HEMK1: variants seen among roughly 807,000 people sequenced by gnomAD.
HEMK1 encodes the protein HemK methyltransferase 1, mitochondrial release factors N(5)-glutamine, also known as MTRF1L release factor glutamine methyltransferase.
Under a neutral mutation model 47.9 loss-of-function variants are expected in HEMK1, and 36 were observed. The ratio of observed to expected loss-of-function variants is 0.75; its 90% CI spans 0.58 to 0.99. The LOEUF (loss-of-function observed/expected upper bound fraction) is 0.99, where lower values mean the gene tolerates loss of function less well. Among genes scored for constraint, HEMK1 ranks in the 50% least tolerant of loss-of-function variants. The pLI, the probability that HEMK1 is intolerant of heterozygous loss-of-function variation, is 0.00. For synonymous variants in HEMK1, 153 were observed against 165.4 expected (o/e 0.93, Z 0.57); for missense variants, 383 against 434.5 (o/e 0.88, Z 1.05).
At chr3:50,577,898 T>C (rs1231159383) in intron 7 of HEMK1, 23 bp downstream of exon 7, 6 of 1,610,864 alleles carry the variant, frequency 3.7e-6, no homozygotes, top group Non-Finnish European at 5.1e-6. Flanking sequence ...GCATGTTCCT[T>C]GAGAGAGGGA....
At position 50,583,323 on chromosome 3, in the gene HEMK1, T is replaced by C. The variant is rs1252893759; in HGVS notation, c.*2906T>C. On this transcript the variant is annotated 3_prime_UTR_variant, in exon 11 of 11. Coordinates refer to ENST00000232854, the MANE Select transcript of HEMK1 (RefSeq NM_016173.5). ...CAAAAAATACTCTTTTTTGCTCCTT[T>C]ACCCCCACCTGGACCCTGGGCTATT... 6.6e-6 allele frequency: 1 copy of C among 152,234 alleles called. No individual in the cohort carries two copies. The allele number at this position is 152,234 out of a possible 1,614,324, so 9.4% of individuals were successfully genotyped here.
rs1467727720 is a variant in HEMK1 at position 50,581,704 on chromosome 3, G to C, written c.*1287G>C. 6.6e-6 allele frequency: 1 copy of C among 152,280 alleles called. No individual in the cohort carries two copies. The highest frequency in any genetic ancestry group is 2.4e-5 in the African/African-American group (1 of 41,458). The allele number at this position is 152,280 out of a possible 1,614,324, so 9.4% of individuals were successfully genotyped here. On this transcript the variant is annotated 3_prime_UTR_variant, in exon 11 of 11. Transcript: ENST00000232854. ...GTACTGCCTGAGGTCACATGACAGT[G>C]ACCAAGTGGAGACAGTAAGTTAGAT... is the stretch of plus-strand genomic sequence containing the variant.
intron 1 of HEMK1, chr3:50,569,922 C>T (rs1344129777): frequency 6.6e-6 from 1 of 152,132 alleles, no homozygotes; most frequent in Non-Finnish European, 1.5e-5. Flanking sequence ...GCAACTTCCG[C>T]CTGCTTGAAC....
Position 50,590,158 on chromosome 3 carries a change from C to G in HEMK1, c.*9741C>G, listed in dbSNP as rs931800940. 6.6e-6 allele frequency: 1 copy of G among 150,586 alleles called. No homozygotes were observed. Among genetic ancestry groups the G allele is most frequent in the Non-Finnish European group, 1.5e-5 (1 of 67,686 alleles). The allele number at this position is 150,586 out of a possible 1,614,324, so 9.3% of individuals were successfully genotyped here. On this transcript the variant is annotated 3_prime_UTR_variant, in exon 11 of 11. Coordinates refer to ENST00000232854, the MANE Select transcript of HEMK1 (RefSeq NM_016173.5). ...CAAGATCATGCCACTGCACTCCAGC[C>G]TGGGCGACAGAGCTAGACTCCATCT...
At position 50,589,113 on chromosome 3, in the gene HEMK1, A is replaced by G. The variant is rs2031577136; in HGVS notation, c.*8696A>G. On this transcript the variant is annotated 3_prime_UTR_variant, in exon 11 of 11. Coordinates refer to ENST00000232854, the MANE Select transcript of HEMK1 (RefSeq NM_016173.5). Reference sequence around the variant, plus strand: ...TCCATCAGGGCGAAGAGCAATGAACACAAATGTTTGAACTGGGGGCTGGGA... The same window carrying G: ...TCCATCAGGGCGAAGAGCAATGAACGCAAATGTTTGAACTGGGGGCTGGGA... 6.6e-6 allele frequency: 1 copy of G among 152,278 alleles called. No homozygotes were observed. Among genetic ancestry groups the G allele is most frequent in the African/African-American group, 2.4e-5 (1 of 41,476 alleles). 9.4% of individuals were successfully genotyped at this position (152,278 alleles called of 1,614,324 possible).
chr3:50,577,655 C>T (rs1022611550), intron 6 of HEMK1, 82 bp downstream of exon 6: 65 of 1,478,518 alleles, frequency 4.4e-5, no homozygotes, highest in Non-Finnish European at 5.9e-5. Flanking sequence ...TTTCTACTCC[C>T]AAGAAGGAGG....
rs1190091069 is a variant in HEMK1 at position 50,581,506 on chromosome 3, C to T, written c.*1089C>T. 6.6e-6 allele frequency: 1 copy of T among 152,346 alleles called. No individual in the cohort carries two copies. The highest frequency in any genetic ancestry group is 2.4e-5 in the African/African-American group (1 of 41,470). 9.4% of individuals were successfully genotyped at this position (152,346 alleles called of 1,614,324 possible). A position where few individuals can be genotyped will look rare whatever the true frequency, so the allele number is the denominator to read the frequency against. On this transcript the variant is annotated 3_prime_UTR_variant, in exon 11 of 11. Transcript: ENST00000232854. ...CTGCTGCAGCTGGGAGAGCTGAGTTCCAGGGCTGTGTCCTGCAGTGGGACC... is the reference window on the plus strand; with the variant it reads ...CTGCTGCAGCTGGGAGAGCTGAGTTTCAGGGCTGTGTCCTGCAGTGGGACC...
Position 50,578,747 on chromosome 3 carries a change from G to A in HEMK1, c.665-74G>A, listed in dbSNP as rs997853971. ...GGTGTGGCATGGTGAGAGGGACATG[G>A]TGGCAGGTGGAGCTATCATCCTTTA... is the stretch of plus-strand genomic sequence containing the variant. On this transcript the variant is annotated intron_variant, in intron 7 of 10. Transcript: ENST00000232854. The A allele has an allele frequency of 5.2e-6, 5 of 962,928 alleles. No individual in the cohort carries two copies. The African/African-American group carries it at 8.1e-5, about 16-fold the overall frequency. 59.6% of individuals were successfully genotyped at this position (962,928 alleles called of 1,614,324 possible). A position where few individuals can be genotyped will look rare whatever the true frequency, so the allele number is the denominator to read the frequency against.
Position 50,579,698 on chromosome 3 carries a change from C to T in HEMK1, c.771-146C>T, listed in dbSNP as rs1296953602. ...AAGAGGAGCTGCCACCCATTTGGGG[C>T]CCTCCTTCTCTGGGTCCTCAGATTT... On this transcript the variant is annotated intron_variant, in intron 8 of 10. Transcript: ENST00000232854. The T allele has an allele frequency of 1.1e-5, 7 of 609,400 alleles. No individual in the cohort carries two copies. In the East Asian group the frequency reaches 1.9e-4, roughly 17 times the overall value. The allele number at this position is 609,400 out of a possible 1,614,324, so 37.7% of individuals were successfully genotyped here. A position where few individuals can be genotyped will look rare whatever the true frequency, so the allele number is the denominator to read the frequency against.
rs1286068085 is a variant in HEMK1 at position 50,585,931 on chromosome 3, C to T, written c.*5514C>T. The T allele has an allele frequency of 6.6e-6, 1 of 152,186 alleles. No homozygotes were observed. The highest frequency in any genetic ancestry group is 1.9e-4 in the East Asian group (1 of 5,192). 9.4% of individuals were successfully genotyped at this position (152,186 alleles called of 1,614,324 possible). A position where few individuals can be genotyped will look rare whatever the true frequency, so the allele number is the denominator to read the frequency against. ...TTAATTAAGTCAATTAGGTGGTGCTCATATGGCTGTCCATGTAGCTACTAA... is the reference window on the plus strand; with the variant it reads ...TTAATTAAGTCAATTAGGTGGTGCTTATATGGCTGTCCATGTAGCTACTAA... On this transcript the variant is annotated 3_prime_UTR_variant, in exon 11 of 11. Transcript: ENST00000232854.
chr3:50,577,235 C>T, intron 5 of HEMK1, 49 bp downstream of exon 5: 3 of 1,570,502 alleles, frequency 1.9e-6, no homozygotes, highest in Non-Finnish European at 2.6e-6. Context: ...CACTCACTGT[C>T]CCTCCCATTA....
intron 3 of HEMK1, 100 bp from the exon 4 acceptor site, chr3:50,572,015 C>A: frequency 4.5e-6 from 7 of 1,564,444 alleles, no homozygotes; most frequent in Non-Finnish European, 6.1e-6. Flanking sequence ...GAGACATGGT[C>A]TTGCCTGATA....
Position 50,571,732 on chromosome 3 carries a change from T to G in HEMK1, c.251T>G (p.Leu84Arg). 6.2e-7 allele frequency: 1 copy of G among 1,614,182 alleles called. No homozygotes were observed. Among genetic ancestry groups the G allele is most frequent in the South Asian group, 1.1e-5 (1 of 91,088 alleles). Residue 84 changes from leucine to arginine, a missense_variant, in exon 3 of 11, where the codon CTT becomes CGT. Coordinates refer to ENST00000232854, the MANE Select transcript of HEMK1 (RefSeq NM_016173.5). ...CAGTTTCAGAGCCTGAGGCCGGCAC[T>G]TTGGACCCAGCCCTTGACCTCTCAG... Reference protein sequence around the residue: ...AKTFQSLRPALWTQPLTSQQL... With the variant: ...AKTFQSLRPARWTQPLTSQQL...
chr3:50,575,556 G>A (rs577655832), intron 4 of HEMK1, among the ~76,000 whole-genome samples: 1 of 152,244 alleles, frequency 6.6e-6, no homozygotes, highest in Non-Finnish European at 1.5e-5. Flanking sequence ...GGTGGGAGAG[G>A]CACACCCCAT....
chr3:50,572,905 G>C (rs1028830011), intron 4 of HEMK1, among the ~76,000 whole-genome samples: 8 of 152,162 alleles, frequency 5.3e-5, no homozygotes, highest in African/African-American at 1.2e-4. Context: ...CGCAGACCAG[G>C]GAGTAGAGCT....
rs1320102415 is a variant in HEMK1, at chr3:50,578,909, G to A, written c.753G>A (p.Leu251=). The A allele has an allele frequency of 6.2e-6, 10 of 1,612,204 alleles. No individual in the cohort carries two copies. In the South Asian group the frequency reaches 6.6e-5, roughly 11 times the overall value. ...TCTTCCACCAGGACATGGAGCAGCT[G>A]GCCCCTGAGATCCGCAGGTGCTAAG... is the stretch of plus-strand genomic sequence containing the variant. ...PYVFHQDMEQ[L]APEIRSYEDP... The change falls in exon 8 of 11, where the codon CTG becomes CTA. Residue 251 remains leucine (L), a synonymous_variant. Transcript: ENST00000232854.
Position 50,585,335 on chromosome 3 carries a change from T to A in HEMK1, c.*4918T>A, listed in dbSNP as rs1173859583. 1 of 152,344 alleles carries A rather than the reference T, an allele frequency of 6.6e-6. No homozygotes were observed. The highest frequency in any genetic ancestry group is 1.5e-5 in the Non-Finnish European group (1 of 68,146). 9.4% of individuals were successfully genotyped at this position (152,344 alleles called of 1,614,324 possible). On this transcript the variant is annotated 3_prime_UTR_variant, in exon 11 of 11. Transcript: ENST00000232854. Reference sequence around the variant, plus strand: ...AGCACAGCAGCCCCTGACTTTGAGCTAATGGGCCTGGCCCCTCCATGTAAG... The same window carrying A: ...AGCACAGCAGCCCCTGACTTTGAGCAAATGGGCCTGGCCCCTCCATGTAAG...
rs1481440462 is a variant in HEMK1, at chr3:50,577,807, T to C, written c.615-19T>C. ...AGGGGTCTGCCCCCGTGCCTACCCC[T>C]TTCTCCCTGTCTGTGTAGGCTTCGG... is the stretch of plus-strand genomic sequence containing the variant. On this transcript the variant is annotated intron_variant, in intron 6 of 10. Coordinates refer to ENST00000232854, the MANE Select transcript of HEMK1 (RefSeq NM_016173.5). 1 of 1,613,944 alleles carries C rather than the reference T, an allele frequency of 6.2e-7. No individual in the cohort carries two copies. The highest frequency in any genetic ancestry group is 2.2e-5 in the East Asian group (1 of 44,878).
intron 10 of HEMK1, 76 bp downstream of exon 10, chr3:50,580,305 G>C: frequency 6.2e-7 from 1 of 1,607,586 alleles, no homozygotes; most frequent in Non-Finnish European, 8.5e-7. Flanking sequence ...TGGCTGTCAG[G>C]AGAGTGTGCT....
Sources: gnomAD v4.1 joint callset for allele counts (sites outside exome capture counted in the v4.1 genomes callset) on GRCh38, gnomAD v4.1.1 for gene constraint, MANE v1.5 for transcripts, NCBI Gene and HGNC (gene_info 2026-07-23, HGNC 2026-07-21) for gene names.